Variants in RPS6KC1 observed in about 807,000 individuals in gnomAD.
The protein encoded by RPS6KC1 is ribosomal protein S6 kinase C1, also known as inactive ribosomal protein S6 kinase delta-1.
A neutral mutation model predicts 103.8 loss-of-function variants in RPS6KC1; 54 were observed. That is an observed-to-expected ratio of 0.52 (90% CI 0.42 to 0.65). RPS6KC1 has a LOEUF of 0.65. Among genes scored for constraint, RPS6KC1 ranks in the 30% least tolerant of loss-of-function variants. The probability of loss-of-function intolerance (pLI) is 0.00; values close to 1 mark genes in which losing one functional copy is unlikely to be tolerated. For synonymous variants in RPS6KC1, 439 were observed against 438.7 expected (o/e 1.00, Z -0.01); for missense variants, 1,151 against 1,253.8 (o/e 0.92, Z 1.24).
the RPS6KC1 span, among the ~76,000 whole-genome samples, chr1:213,342,414 G>A: frequency 2.3e-4 from 35 of 152,288 alleles, no homozygotes; most frequent in African/African-American, 8.2e-4. Context: ...TTCCCAGCAT[G>A]GTAGGCAACA....
chr1:213,772,128 A>T, the RPS6KC1 span, among the ~76,000 whole-genome samples: 1 of 152,208 alleles, frequency 6.6e-6, no homozygotes, highest in Non-Finnish European at 1.5e-5. Flanking sequence ...AGTTGGAGGA[A>T]ATTATGAATG....
chr1:213,439,138 T>G, the RPS6KC1 span, among the ~76,000 whole-genome samples: 2 of 152,298 alleles, frequency 1.3e-5, no homozygotes, highest in African/African-American at 4.8e-5. Context: ...TACACCTGAA[T>G]TCCAACTTTT....
At chr1:213,573,513 A>T in the RPS6KC1 span, among the ~76,000 whole-genome samples, 1 of 152,216 alleles carries the variant, frequency 6.6e-6, no homozygotes, top group Non-Finnish European at 1.5e-5. Flanking sequence ...TGCACTCTTT[A>T]TCTGGGGCAT....
chr1:213,483,634 G>T, the RPS6KC1 span, among the ~76,000 whole-genome samples: 1 of 152,158 alleles, frequency 6.6e-6, no homozygotes, highest in Admixed American at 6.5e-5. Context: ...AGTGAGCTTT[G>T]ATAGTTTGTG....
At chr1:213,507,342 G>A in the RPS6KC1 span, among the ~76,000 whole-genome samples, 83 of 152,206 alleles carry the variant, frequency 5.5e-4, no homozygotes, top group African/African-American at 2.0e-3. Context: ...GCAGGGTGGG[G>A]GGCTGAAATA....
At chr1:213,761,985 G>A in the RPS6KC1 span, among the ~76,000 whole-genome samples, 17 of 152,002 alleles carry the variant, frequency 1.1e-4, no homozygotes, top group South Asian at 1.5e-3. Context: ...AGAGTCATGA[G>A]GATGAAAAAG....
chr1:213,580,117 C>T, the RPS6KC1 span, among the ~76,000 whole-genome samples: 1 of 152,030 alleles, frequency 6.6e-6, no homozygotes, highest in Non-Finnish European at 1.5e-5. Context: ...AATTAAAAAC[C>T]TCCTGGAAAG....
At chr1:213,294,939 G>T in the RPS6KC1 span, among the ~76,000 whole-genome samples, 2 of 152,090 alleles carry the variant, frequency 1.3e-5, no homozygotes, top group African/African-American at 4.8e-5. Flanking sequence ...GAAGGGAAAA[G>T]ATAGTTTTGA....
In RPS6KC1 at chr1:213,129,665, TA is replaced by T; in HGVS notation, c.612del (p.Ala206LeufsTer25). The T allele has an allele frequency of 6.2e-7, 1 of 1,614,058 alleles. No individual in the cohort carries two copies. Among genetic ancestry groups the T allele is most frequent in the Non-Finnish European group, 8.5e-7 (1 of 1,179,954 alleles). Reference sequence around the variant, plus strand: ...AATCTTTCTTCGGATTCTTCAGCACTAGGGGCTGTTGCTTCTGACAGTGAAC... The same window carrying T: ...AATCTTTCTTCGGATTCTTCAGCACTGGGGCTGTTGCTTCTGACAGTGAAC... ...GLNLSSDSSA[L>X]GAVASDSEQS... On this transcript the variant is annotated frameshift_variant, in exon 6 of 15. Transcript: ENST00000366960. LOFTEE classifies it high-confidence loss of function.
chr1:213,239,665 A>G (rs926080060), intron 10 of RPS6KC1, among the ~76,000 whole-genome samples: 4 of 152,144 alleles, frequency 2.6e-5, no homozygotes, highest in South Asian at 2.1e-4. Flanking sequence ...TGTCTTCTTT[A>G]TATGAATAGA....
the RPS6KC1 span, among the ~76,000 whole-genome samples, chr1:213,713,455 T>G: frequency 1.1e-3 from 171 of 152,326 alleles, 1 homozygote; most frequent in Middle Eastern, 3.4e-3. Context: ...ATAGCAGTAC[T>G]TTTTTTAGTA....
chr1:213,615,643 A>T, the RPS6KC1 span, among the ~76,000 whole-genome samples: 1 of 152,240 alleles, frequency 6.6e-6, no homozygotes, highest in Non-Finnish European at 1.5e-5. Flanking sequence ...CCTCCTCCCT[A>T]GCTGGTGCCT....
the RPS6KC1 span, among the ~76,000 whole-genome samples, chr1:213,330,434 C>G: frequency 1.6e-4 from 24 of 152,300 alleles, no homozygotes; most frequent in East Asian, 4.4e-3. Context: ...AGTGCTGAGA[C>G]AGGTGACTGG....
the RPS6KC1 span, among the ~76,000 whole-genome samples, chr1:213,553,701 G>A: frequency 1.3e-5 from 2 of 151,858 alleles, no homozygotes; most frequent in African/African-American, 2.4e-5. Context: ...GTTATTTTTT[G>A]ATTTTTTTAA....
At chr1:213,664,003 C>T in the RPS6KC1 span, among the ~76,000 whole-genome samples, 1 of 152,172 alleles carries the variant, frequency 6.6e-6, no homozygotes, top group Non-Finnish European at 1.5e-5. Flanking sequence ...ACCAAATGAG[C>T]TGTGATGTGG....
chr1:213,198,831 T>C (rs1251213237), intron 8 of RPS6KC1, among the ~76,000 whole-genome samples: 6 of 152,306 alleles, frequency 3.9e-5, no homozygotes, highest in African/African-American at 1.4e-4. Flanking sequence ...TACTTCTAAC[T>C]CATTATATGA....
chr1:213,205,547 G>GAT lies in RPS6KC1; in HGVS notation c.1045-24931_1045-24930dup, dbSNP rs764745657. Among the ~76,000 whole-genome samples the GAT allele has an allele frequency of 1.6e-3, 163 of 102,434 alleles. 7 individuals carry two copies. In the Middle Eastern group the frequency reaches 0.021, roughly 13 times the overall value. The allele number at this position is 102,434 out of a possible 152,430, so 67.2% of individuals were successfully genotyped here. ...AACAACAAACTCATTTATATATATA[G>GAT]ATATATATATATATATATATTTCAA... On this transcript the variant is annotated intron_variant, in intron 8 of 14. Transcript: ENST00000366960.
chr1:213,071,129 C>T (rs2078831732), intron 2 of RPS6KC1, 88 bp downstream of exon 2: 3 of 752,134 alleles, frequency 4.0e-6, no homozygotes, highest in Non-Finnish European at 4.3e-6. Flanking sequence ...ATCATTTGTA[C>T]ATCAACCTCT....
chr1:213,513,592 A>C, the RPS6KC1 span, among the ~76,000 whole-genome samples: 1 of 152,232 alleles, frequency 6.6e-6, no homozygotes, highest in Non-Finnish European at 1.5e-5. Flanking sequence ...CCCCATTCTC[A>C]GGGATTGATT....
Sources: gnomAD v4.1 joint callset for allele counts (sites outside exome capture counted in the v4.1 genomes callset) on GRCh38, gnomAD v4.1.1 for gene constraint, MANE v1.5 for transcripts, NCBI Gene and HGNC (gene_info 2026-07-23, HGNC 2026-07-21) for gene names.